CDH4: variants seen among roughly 807,000 people sequenced by gnomAD.
The protein encoded by CDH4 is cadherin-4.
CDH4 carries 33 observed loss-of-function variants against 86.0 expected under a neutral mutation model. That is an observed-to-expected ratio of 0.38 (90% CI 0.29 to 0.51). The LOEUF is 0.51. Among genes scored for constraint, CDH4 ranks in the 20% least tolerant of loss-of-function variants. The pLI, the probability that CDH4 is intolerant of heterozygous loss-of-function variation, is 0.86. For missense variants in CDH4, 1,114 were observed against 1,307.4 expected (o/e 0.85, Z 2.28); for synonymous variants, 555 against 549.4 (o/e 1.01, Z -0.14).
At chr20:61,270,838 G>A (rs1029429886) in intron 2 of CDH4, among the ~76,000 whole-genome samples, 1 of 152,104 alleles carries the variant, frequency 6.6e-6, no homozygotes, top group African/African-American at 2.4e-5. Context: ...GGGAGGTCGA[G>A]GCAGCTCTGG....
intron 2 of CDH4, among the ~76,000 whole-genome samples, chr20:61,444,514 T>C (rs534710378): frequency 6.6e-6 from 1 of 152,268 alleles, no homozygotes; most frequent in East Asian, 1.9e-4. Context: ...TGTGTGTTTC[T>C]GCGTGTGTTT....
chr20:61,823,414 G>A (rs916999834), intron 4 of CDH4, among the ~76,000 whole-genome samples: 1 of 151,588 alleles, frequency 6.6e-6, no homozygotes, highest in African/African-American at 2.4e-5. Flanking sequence ...GATGATGAAG[G>A]TGATAGTGAT....
chr20:61,737,400 C>G (rs1214962801), intron 2 of CDH4, among the ~76,000 whole-genome samples: 1 of 152,116 alleles, frequency 6.6e-6, no homozygotes, highest in African/African-American at 2.4e-5. Flanking sequence ...TGGATCCCCA[C>G]AGGCTCAGAA....
chr20:61,678,350 G>A (rs1050665039), intron 2 of CDH4, among the ~76,000 whole-genome samples: 11 of 152,206 alleles, frequency 7.2e-5, no homozygotes, highest in African/African-American at 2.7e-4. Context: ...ACGTAGATCA[G>A]TATAGACATG....
At chr20:61,357,960 C>T (rs2084761131) in intron 2 of CDH4, among the ~76,000 whole-genome samples, 1 of 152,138 alleles carries the variant, frequency 6.6e-6, no homozygotes, top group Non-Finnish European at 1.5e-5. Flanking sequence ...GTGTATTTGG[C>T]AGGGCGTGGC....
At chr20:61,933,212 C>T (rs1328968408) in intron 14 of CDH4, 88 bp downstream of exon 14, 10 of 1,497,978 alleles carry the variant, frequency 6.7e-6, no homozygotes, top group Middle Eastern at 2.3e-4. Context: ...TGGGGTTTAA[C>T]AGTAAGACAT....
intron 2 of CDH4, among the ~76,000 whole-genome samples, chr20:61,660,790 T>C (rs1600850043): frequency 6.6e-6 from 1 of 152,100 alleles, no homozygotes; most frequent in Non-Finnish European, 1.5e-5. Context: ...AAGAAGTAGG[T>C]GCTTCGTGGA....
chr20:61,771,681 T>C (rs970611952), intron 3 of CDH4, among the ~76,000 whole-genome samples: 5 of 151,360 alleles, frequency 3.3e-5, no homozygotes, highest in Admixed American at 6.6e-5. Context: ...TATGCTTTGG[T>C]GCTATTTCTC....
chr20:61,335,553 A>G (rs1443725000), intron 2 of CDH4, among the ~76,000 whole-genome samples: 3 of 152,208 alleles, frequency 2.0e-5, no homozygotes, highest in Admixed American at 6.5e-5. Flanking sequence ...GTTCCTAATA[A>G]GAGAACTAAC....
chr20:61,419,145 T>G (rs1263955545), intron 2 of CDH4, among the ~76,000 whole-genome samples: 1 of 152,128 alleles, frequency 6.6e-6, no homozygotes, highest in African/African-American at 2.4e-5. Flanking sequence ...TCGCAGGGTT[T>G]GGTGGGACTG....
In CDH4 at chr20:61,417,879, G is replaced by A. The variant is rs2085155655; in HGVS notation, c.169+162942G>A. Among the ~76,000 whole-genome samples, 1 of 152,080 alleles carries A rather than the reference G, an allele frequency of 6.6e-6. No homozygotes were observed. Among genetic ancestry groups the A allele is most frequent in the Non-Finnish European group, 1.5e-5 (1 of 68,038 alleles). On this transcript the variant is annotated intron_variant, in intron 2 of 15. Transcript: ENST00000614565. This position sits in a 1 kb window ranked among gnomAD's most constrained non-coding sequence, Gnocchi z 4.0. ...AAGGGGCCAGGCCAGGAGCAGCAGG[G>A]CCCTTCATGCTCAGAGGCCCACTTG...
chr20:61,595,918 C>T (rs1239793220), intron 2 of CDH4, among the ~76,000 whole-genome samples: 1 of 152,234 alleles, frequency 6.6e-6, no homozygotes, highest in Non-Finnish European at 1.5e-5. Flanking sequence ...CCTCACATAA[C>T]GTTTGTCCAT....
At chr20:61,580,640 A>AG (rs1176434249) in intron 2 of CDH4, among the ~76,000 whole-genome samples, 1 of 18,850 alleles carries the variant, frequency 5.3e-5, no homozygotes, top group African/African-American at 9.1e-5. Flanking sequence ...TTGACGCTCT[A>AG]GGGGGGGAAA....
At chr20:61,274,784 G>A (rs2084216917) in intron 2 of CDH4, among the ~76,000 whole-genome samples, 1 of 145,762 alleles carries the variant, frequency 6.9e-6, no homozygotes, top group African/African-American at 2.5e-5. Context: ...GTTTGGGGGA[G>A]TACTGTGTGC....
chr20:61,456,360 G>A (rs2085406934), intron 2 of CDH4, among the ~76,000 whole-genome samples: 1 of 152,220 alleles, frequency 6.6e-6, no homozygotes, highest in Non-Finnish European at 1.5e-5. Flanking sequence ...AGGTTTTATT[G>A]TAGGCCAGTG....
At position 61,632,484 on chromosome 20, in the gene CDH4, G is replaced by A. The variant is rs180855196; in HGVS notation, c.170-111079G>A. On this transcript the variant is annotated intron_variant, in intron 2 of 15. Coordinates refer to ENST00000614565, the MANE Select transcript of CDH4 (RefSeq NM_001794.5). ...GAAGCATCGTTAACGCCGGGCCTCC[G>A]GGAAATGACTTTCACACAGGGAACC... Among the ~76,000 whole-genome samples, 333 of 152,154 alleles carry A rather than the reference G, an allele frequency of 2.2e-3. 1 individual carries two copies. The highest frequency in any genetic ancestry group is 7.8e-3 in the African/African-American group (322 of 41,512).
intron 10 of CDH4, 117 bp downstream of exon 10, chr20:61,923,821 G>T: frequency 7.5e-7 from 1 of 1,327,946 alleles, no homozygotes; most frequent in Non-Finnish European, 1.0e-6. Flanking sequence ...GGTGGTCGGG[G>T]GCATCTCCAA....
chr20:61,639,112 G>A (rs955763542), intron 2 of CDH4, among the ~76,000 whole-genome samples: 3 of 152,260 alleles, frequency 2.0e-5, no homozygotes, highest in Admixed American at 6.5e-5. Context: ...CAGCCTGTGT[G>A]CGGGATAAAC....
intron 2 of CDH4, among the ~76,000 whole-genome samples, chr20:61,671,136 ATGGT>A (rs1600859455): frequency 6.7e-6 from 1 of 149,438 alleles, no homozygotes; most frequent in East Asian, 1.9e-4. Context: ...TGGATGCATG[ATGGT>A]TGGGTGGATG....
Sources: gnomAD v4.1 joint callset for allele counts (sites outside exome capture counted in the v4.1 genomes callset) on GRCh38, gnomAD v4.1.1 for gene constraint, Gnocchi (gnomAD v3.1) non-coding constraint, MANE v1.5 for transcripts, NCBI Gene and HGNC (gene_info 2026-07-23, HGNC 2026-07-21) for gene names.